The following RORA variants were observed in gnomAD, a reference collection of about 807,000 sequenced individuals.
RORA encodes RAR related orphan receptor A.
A neutral mutation model predicts 69.5 loss-of-function variants in RORA; 7 were observed. That is an observed-to-expected ratio of 0.10 (90% CI 0.06 to 0.19). The LOEUF (loss-of-function observed/expected upper bound fraction) is 0.19, where lower values mean the gene tolerates loss of function less well. Ranked by LOEUF, RORA falls within the 10% of genes least tolerant of loss-of-function variation. The pLI, the probability that RORA is intolerant of heterozygous loss-of-function variation, is 1.00. For synonymous variants in RORA, 261 were observed against 240.8 expected, an observed-to-expected ratio of 1.08 and a Z score of -0.78; for missense variants, 457 against 663.0, an observed-to-expected ratio of 0.69 and a Z score of 3.41.
At chr15:61,184,983 T>C (rs1462507243) in intron 1 of RORA, among the ~76,000 whole-genome samples, 3 of 28,604 alleles carry the variant, frequency 1.0e-4, no homozygotes, top group African/African-American at 1.7e-4. Flanking sequence ...AGACCCTGTC[T>C]CTCAAAAAAA....
intron 2 of RORA, among the ~76,000 whole-genome samples, chr15:60,575,011 C>G (rs1199178022): frequency 6.6e-6 from 1 of 151,880 alleles, no homozygotes; most frequent in Non-Finnish European, 1.5e-5. Context: ...GGAGATTGTA[C>G]TACTCGATTT....
chr15:60,729,482 G>T (rs1238444231), intron 1 of RORA, among the ~76,000 whole-genome samples: 2 of 152,164 alleles, frequency 1.3e-5, no homozygotes. Context: ...ATCCATTTAT[G>T]TACCTGAGCC....
chr15:60,582,511 C>T (rs1596010718), intron 2 of RORA, among the ~76,000 whole-genome samples: 1 of 152,282 alleles, frequency 6.6e-6, no homozygotes, highest in East Asian at 1.9e-4. Context: ...AGATCTGGGA[C>T]AATAACCCAT....
intron 1 of RORA, among the ~76,000 whole-genome samples, chr15:60,724,459 T>C (rs1280400715): frequency 6.6e-6 from 1 of 152,184 alleles, no homozygotes; most frequent in Non-Finnish European, 1.5e-5. Context: ...ACACTTTGAA[T>C]GTGGAGCGGC....
At position 60,678,673 on chromosome 15, in the gene RORA, C is replaced by T. The variant is rs780107705; in HGVS notation, c.180G>A (p.Thr60=). The change falls in exon 2 of 11, where the codon ACG becomes ACA. Residue 60 remains threonine (T), a synonymous_variant. Coordinates refer to ENST00000335670, the MANE Select transcript of RORA (RefSeq NM_134261.3). Reference sequence around the variant, plus strand: ...ATTACTTACATGTATGTGTCTTCTTCGTTACTGAGATACCTGGAAGAGAAG... The same window carrying T: ...ATTACTTACATGTATGTGTCTTCTTTGTTACTGAGATACCTGGAAGAGAAG... ...YSSTSRGISV[T]KKTHTSQIEI... 13 of 1,612,254 alleles carry T rather than the reference C, an allele frequency of 8.1e-6. No individual in the cohort carries two copies. Among genetic ancestry groups the T allele is most frequent in the East Asian group, 2.2e-5 (1 of 44,872 alleles).
intron 2 of RORA, among the ~76,000 whole-genome samples, chr15:60,598,754 G>A (rs546425997): frequency 1.3e-5 from 2 of 152,176 alleles, no homozygotes; most frequent in Non-Finnish European, 2.9e-5. Flanking sequence ...ACCCTACATT[G>A]TTCAGGGATC....
rs552473835 is a variant in RORA at position 61,019,372 on chromosome 15, T to C, written c.166+209681A>G. 7.2e-5 allele frequency among the ~76,000 whole-genome samples: 11 copies of C among 152,320 alleles called. No individual in the cohort carries two copies. The South Asian group carries it at 8.3e-4, about 11-fold the overall frequency. On this transcript the variant is annotated intron_variant, in intron 1 of 10. Transcript: ENST00000335670. The stretch of plus-strand genomic sequence containing the variant: ...TTAAAGAAAAAAGAAAGTCTTCCCC[T>C]GGGTTCTTCCTCCATTTTGTGTAGT...
chr15:60,548,332 A>C (rs2067133423), intron 2 of RORA, among the ~76,000 whole-genome samples: 1 of 152,154 alleles, frequency 6.6e-6, no homozygotes, highest in East Asian at 1.9e-4. Context: ...GCCAAGCGAA[A>C]ACACTGTCTC....
intron 2 of RORA, among the ~76,000 whole-genome samples, chr15:60,535,112 A>G (rs948739236): frequency 2.0e-5 from 3 of 152,182 alleles, no homozygotes; most frequent in African/African-American, 7.2e-5. Flanking sequence ...AACACAAATT[A>G]TGAATCTTGG....
chr15:60,764,748 C>T (rs991818613), intron 1 of RORA: 1 of 152,214 alleles, frequency 6.6e-6, no homozygotes, highest in African/African-American at 2.4e-5. Context: ...ACAGGAAATT[C>T]CACTCATTGA....
In RORA at chr15:60,531,753, T is replaced by G; in HGVS notation, c.282+13A>C. 1 of 1,443,950 alleles carries G rather than the reference T, an allele frequency of 6.9e-7. No homozygotes were observed. The highest frequency in any genetic ancestry group is 1.7e-4 in the Middle Eastern group (1 of 5,736). The allele number at this position is 1,443,950 out of a possible 1,614,324, so 89.4% of individuals were successfully genotyped here. On this transcript the variant is annotated intron_variant, in intron 3 of 10. Transcript: ENST00000335670. This position sits in a 1 kb window ranked among gnomAD's most constrained non-coding sequence, Gnocchi z 4.8. Reference sequence around the variant, plus strand: ...AAACATTAATAGAAACAACAACAATTAAAAAGGCTTACCTTGCAGCCTTCA... The same window carrying G: ...AAACATTAATAGAAACAACAACAATGAAAAAGGCTTACCTTGCAGCCTTCA...
chr15:60,691,707 A>C (rs1445354546), intron 1 of RORA, among the ~76,000 whole-genome samples: 1 of 152,220 alleles, frequency 6.6e-6, no homozygotes, highest in Non-Finnish European at 1.5e-5. Context: ...AAGGTCAGGC[A>C]ATCAATAGAA....
At chr15:60,861,657 T>A (rs2140425653) in intron 1 of RORA, among the ~76,000 whole-genome samples, 1 of 152,314 alleles carries the variant, frequency 6.6e-6, no homozygotes, top group Middle Eastern at 3.4e-3. Flanking sequence ...CCTGGCTCAT[T>A]CTTCATTTTA....
At chr15:60,869,827 C>T (rs2073533913) in intron 1 of RORA, among the ~76,000 whole-genome samples, 1 of 152,194 alleles carries the variant, frequency 6.6e-6, no homozygotes, top group Non-Finnish European at 1.5e-5. Context: ...TTTTGCCATC[C>T]TCCTCTTGTT....
intron 1 of RORA, among the ~76,000 whole-genome samples, chr15:61,055,655 A>G (rs1397280164): frequency 6.6e-6 from 1 of 152,044 alleles, no homozygotes; most frequent in Non-Finnish European, 1.5e-5. Flanking sequence ...AATACTAAGC[A>G]AAAGTACACA....
chr15:61,059,311 A>C (rs1012054617), intron 1 of RORA, among the ~76,000 whole-genome samples: 1 of 152,252 alleles, frequency 6.6e-6, no homozygotes, highest in African/African-American at 2.4e-5. Context: ...CTACTGAGAG[A>C]AACATAAGAT....
At chr15:60,754,913 A>G (rs1383194249) in intron 1 of RORA, among the ~76,000 whole-genome samples, 1 of 151,668 alleles carries the variant, frequency 6.6e-6, no homozygotes, top group Non-Finnish European at 1.5e-5. Flanking sequence ...GTGTATGCTC[A>G]GTCTGGAATG....
intron 1 of RORA, among the ~76,000 whole-genome samples, chr15:60,952,097 C>G (rs1383365398): frequency 2.0e-5 from 3 of 150,960 alleles, no homozygotes; most frequent in East Asian, 3.9e-4. Context: ...CCACCATGAT[C>G]AAGTGGGCTT....
intron 2 of RORA, among the ~76,000 whole-genome samples, chr15:60,614,569 A>C (rs2069180481): frequency 6.6e-6 from 1 of 152,204 alleles, no homozygotes; most frequent in African/African-American, 2.4e-5. Flanking sequence ...AATGCAGTTC[A>C]CGGACAATCT....
Sources: gnomAD v4.1 joint callset for allele counts (sites outside exome capture counted in the v4.1 genomes callset) on GRCh38, gnomAD v4.1.1 for gene constraint, Gnocchi (gnomAD v3.1) non-coding constraint, MANE v1.5 for transcripts, NCBI Gene and HGNC (gene_info 2026-07-23, HGNC 2026-07-21) for gene names.